Variants in PLCL1 observed in about 807,000 individuals in gnomAD.
PLCL1 encodes inactive phospholipase C-like protein 1.
Under a neutral mutation model 84.4 loss-of-function variants are expected in PLCL1, and 41 were observed. The ratio of observed to expected loss-of-function variants is 0.49; its 90% CI spans 0.38 to 0.63. PLCL1 has a LOEUF of 0.63. Among genes scored for constraint, PLCL1 ranks in the 30% least tolerant of loss-of-function variants. The pLI is 0.00. For missense variants in PLCL1, 1,206 were observed against 1,367.8 expected (o/e 0.88, Z 1.87); for synonymous variants, 490 against 488.3 (o/e 1.00, Z -0.05).
chr2:197,942,556 A>G (rs1689179340), intron 1 of PLCL1, among the ~76,000 whole-genome samples: 1 of 152,256 alleles, frequency 6.6e-6, no homozygotes, highest in Non-Finnish European at 1.5e-5. Flanking sequence ...CAAAGCAGGA[A>G]ATAAAAAGTA....
At chr2:198,104,102 C>A (rs767462215) in intron 5 of PLCL1, among the ~76,000 whole-genome samples, 166 bp downstream of exon 5, 12 of 151,766 alleles carry the variant, frequency 7.9e-5, no homozygotes, top group Non-Finnish European at 1.5e-4. Flanking sequence ...AACTGTGTGT[C>A]GCGGGGGGCT....
intron 1 of PLCL1, among the ~76,000 whole-genome samples, chr2:197,888,059 T>G (rs1158006885): frequency 1.3e-5 from 2 of 151,664 alleles, no homozygotes; most frequent in African/African-American, 2.4e-5. Flanking sequence ...GCCACTGGAC[T>G]CTAGCCTGGG....
intron 1 of PLCL1, among the ~76,000 whole-genome samples, chr2:197,996,492 A>G (rs181073554): frequency 4.0e-4 from 61 of 152,332 alleles, no homozygotes; most frequent in African/African-American, 1.3e-3. Context: ...TAACAAATGT[A>G]CCACCAGAAT....
chr2:197,860,750 T>C (rs948528631), intron 1 of PLCL1, among the ~76,000 whole-genome samples: 7 of 152,214 alleles, frequency 4.6e-5, no homozygotes, highest in African/African-American at 1.7e-4. Flanking sequence ...GTAAGTTCCT[T>C]ATAGATGCTG....
intron 1 of PLCL1, among the ~76,000 whole-genome samples, chr2:197,850,021 GACACACACAGACAC>G (rs1377844498): frequency 1.1e-5 from 1 of 93,234 alleles, no homozygotes; most frequent in Non-Finnish European, 2.1e-5. Context: ...CAGACACACA[GACACACACAGACAC>G]ACACACACAC....
chr2:197,960,053 T>A (rs1689579662), intron 1 of PLCL1, among the ~76,000 whole-genome samples: 1 of 152,128 alleles, frequency 6.6e-6, no homozygotes, highest in African/African-American at 2.4e-5. Flanking sequence ...AAAACAGAGC[T>A]ATCTCTTCAT....
In PLCL1 at chr2:198,084,564, C is replaced by A. The variant is rs112073408; in HGVS notation, c.1047C>A (p.Thr349=). 3 of 1,613,638 alleles carry A rather than the reference C, an allele frequency of 1.9e-6. No homozygotes were observed. Among genetic ancestry groups the A allele is most frequent in the Non-Finnish European group, 8.5e-7 (1 of 1,179,628 alleles). ...CTGAGCAAGGAGTCACCCATATCAC[C>A]GAGGATATATGCTTAGACATCATAA... ...LEAEQGVTHI[T]EDICLDIIRR... The change falls in exon 2 of 6, where the codon ACC becomes ACA. Residue 349 remains threonine (T), a synonymous_variant. Coordinates refer to ENST00000428675, the MANE Select transcript of PLCL1 (RefSeq NM_006226.4).
chr2:197,922,946 C>CG (rs1160936213), intron 1 of PLCL1, among the ~76,000 whole-genome samples: 2 of 116,528 alleles, frequency 1.7e-5, no homozygotes, highest in East Asian at 3.4e-4. Context: ...GCTGGCCGGG[C>CG]GGGGGGCTGA....
chr2:198,084,798 C>T lies in PLCL1; in HGVS notation c.1281C>T (p.Asp427=), dbSNP rs1418474032. The T allele has an allele frequency of 3.1e-6, 5 of 1,613,926 alleles. No homozygotes were observed. In the African/African-American group the frequency reaches 6.7e-5, roughly 22 times the overall value. Reference sequence around the variant, plus strand: ...AAGACCAGTTCAGGGGGCCAGCTGACATCAATGGGTACATTAGAGCTTTGA... The same window carrying T: ...AAGACCAGTTCAGGGGGCCAGCTGATATCAATGGGTACATTAGAGCTTTGA... ...LIEDQFRGPA[D]INGYIRALKM... is the part of the protein sequence containing the mutation. Residue 427 remains aspartate (D), a synonymous_variant, in exon 2 of 6, where the codon GAC becomes GAT. Transcript: ENST00000428675.
chr2:197,953,373 A>G (rs1255829397), intron 1 of PLCL1, among the ~76,000 whole-genome samples: 1 of 152,036 alleles, frequency 6.6e-6, no homozygotes, highest in African/African-American at 2.4e-5. Context: ...TGCTGTGTTA[A>G]TCCCAAGGGA....
chr2:197,830,709 A>G (rs1691039733), intron 1 of PLCL1, among the ~76,000 whole-genome samples: 1 of 152,158 alleles, frequency 6.6e-6, no homozygotes, highest in Non-Finnish European at 1.5e-5. Flanking sequence ...CAACCCCAAG[A>G]CACATAATCA....
chr2:197,930,981 T>C (rs1335910580), intron 1 of PLCL1, among the ~76,000 whole-genome samples: 2 of 152,128 alleles, frequency 1.3e-5, no homozygotes, highest in Non-Finnish European at 2.9e-5. Context: ...CAGTGCTGAA[T>C]GAGCAGGGGC....
At chr2:197,870,792 T>C (rs1442208524) in intron 1 of PLCL1, among the ~76,000 whole-genome samples, 1 of 151,124 alleles carries the variant, frequency 6.6e-6, no homozygotes, top group Admixed American at 6.6e-5. Context: ...CTGCTTCTCC[T>C]TGGATGTGGA....
intron 1 of PLCL1, among the ~76,000 whole-genome samples, chr2:198,070,333 C>G (rs1692432705): frequency 6.6e-6 from 1 of 152,060 alleles, no homozygotes; most frequent in Non-Finnish European, 1.5e-5. Flanking sequence ...ACCTTCTTTT[C>G]CACCTCTGGG....
At chr2:198,078,485 A>G (rs182184470) in intron 1 of PLCL1, among the ~76,000 whole-genome samples, 7 of 152,146 alleles carry the variant, frequency 4.6e-5, no homozygotes, top group Non-Finnish European at 1.0e-4. Context: ...AATCAAACCT[A>G]TGTGCCTATA....
rs1287483941 is a variant in PLCL1, at chr2:198,149,724, G to A, written c.*2762G>A. Reference sequence around the variant, plus strand: ...TTTATATCCCTTTAGACACTGTTTAGAGTTTATACATATATGTAAATATGC... The same window carrying A: ...TTTATATCCCTTTAGACACTGTTTAAAGTTTATACATATATGTAAATATGC... On this transcript the variant is annotated 3_prime_UTR_variant, in exon 6 of 6. Transcript: ENST00000428675. 1 of 152,050 alleles carries A rather than the reference G, an allele frequency of 6.6e-6. No homozygotes were observed. The highest frequency in any genetic ancestry group is 2.4e-5 in the African/African-American group (1 of 41,412). 9.4% of individuals were successfully genotyped at this position (152,050 alleles called of 1,614,324 possible).
chr2:197,923,024 C>T (rs1414952786), intron 1 of PLCL1, among the ~76,000 whole-genome samples: 10 of 107,708 alleles, frequency 9.3e-5, no homozygotes, highest in South Asian at 3.5e-4. Context: ...CCAGTAGGGG[C>T]GGCCGGGCAG....
At chr2:198,145,283 G>T (rs1473075221) in intron 5 of PLCL1, among the ~76,000 whole-genome samples, 1 of 152,148 alleles carries the variant, frequency 6.6e-6, no homozygotes, top group East Asian at 1.9e-4. Flanking sequence ...CCCAAAGTCT[G>T]CTGGTGTAGT....
intron 1 of PLCL1, among the ~76,000 whole-genome samples, chr2:197,940,120 T>C (rs557333557): frequency 6.6e-6 from 1 of 152,158 alleles, no homozygotes; most frequent in Non-Finnish European, 1.5e-5. Flanking sequence ...TTTTTGAAAA[T>C]TTTTAATAAA....
Sources: gnomAD v4.1 joint callset for allele counts (sites outside exome capture counted in the v4.1 genomes callset) on GRCh38, gnomAD v4.1.1 for gene constraint, MANE v1.5 for transcripts, NCBI Gene and HGNC (gene_info 2026-07-23, HGNC 2026-07-21) for gene names.